The following LEPR variants were observed in gnomAD, a reference collection of about 807,000 sequenced individuals.
The protein encoded by LEPR is leptin receptor, also known as OB receptor.
In LEPR, 56 loss-of-function variants were observed where a neutral mutation model predicts 114.7. That is an observed-to-expected ratio of 0.49 (90% confidence interval 0.39 to 0.61). The LOEUF is 0.61. Ranked by LOEUF, LEPR falls within the 20% of genes least tolerant of loss-of-function variation. The pLI, the probability that LEPR is intolerant of heterozygous loss-of-function variation, is 0.00. For synonymous variants in LEPR, 443 were observed against 461.4 expected (o/e 0.96, Z 0.51); for missense variants, 1,202 against 1,352.9 (o/e 0.89, Z 1.75).
At chr1:65,604,300 A>T (rs1219244045) in intron 10 of LEPR, among the ~76,000 whole-genome samples, 1 of 152,076 alleles carries the variant, frequency 6.6e-6, no homozygotes, top group Non-Finnish European at 1.5e-5. Flanking sequence ...CTTTTTTTAG[A>T]TGGAGTGAAA....
chr1:65,542,475 A>T (rs12091826), intron 2 of LEPR, among the ~76,000 whole-genome samples: 58,302 of 148,998 alleles, frequency 0.39, 11,868 homozygotes, highest in Non-Finnish European at 0.46. Flanking sequence ...TTTTTTTTTT[A>T]AATTGTACTT....
chr1:65,420,673 G>GCC lies in LEPR; in HGVS notation c.-162_-161dup. Reference sequence around the variant, plus strand: ...ACTCCCGGTCTGGCTTGGGCAGGCTGCCCGGGCCGTGGCAGGAAGCCGGAA... The same window carrying GCC: ...ACTCCCGGTCTGGCTTGGGCAGGCTGCCCCCGGGCCGTGGCAGGAAGCCGGAA... On this transcript the variant is annotated 5_prime_UTR_variant, in exon 1 of 20. Transcript: ENST00000349533. 1.3e-6 allele frequency: 2 copies of GCC among 1,560,168 alleles called. No individual in the cohort carries two copies. Among genetic ancestry groups the GCC allele is most frequent in the Non-Finnish European group, 1.7e-6 (2 of 1,153,526 alleles).
intron 2 of LEPR, among the ~76,000 whole-genome samples, chr1:65,550,595 T>G (rs192623421): frequency 6.6e-5 from 10 of 152,288 alleles, no homozygotes; most frequent in African/African-American, 2.4e-4. Context: ...TCAGCGAGAC[T>G]CCGTGGGCGT....
chr1:65,467,568 A>G (rs1239533850), intron 2 of LEPR, among the ~76,000 whole-genome samples: 1 of 152,136 alleles, frequency 6.6e-6, no homozygotes, highest in Non-Finnish European at 1.5e-5. Context: ...CTCGCTTCAG[A>G]GCTGTCAGAT....
intron 6 of LEPR, among the ~76,000 whole-genome samples, chr1:65,593,762 T>C (rs10889568): frequency 0.27 from 40,677 of 152,040 alleles, 6,603 homozygotes; most frequent in East Asian, 0.82. Context: ...CCTGTAGGGA[T>C]ATAGTTGTGA....
intron 2 of LEPR, among the ~76,000 whole-genome samples, chr1:65,475,006 C>CAAAAAAAAAAA (rs1325552861): frequency 4.2e-5 from 1 of 23,938 alleles, no homozygotes. Context: ...GACTCCATCT[C>CAAAAAAAAAAA]AAAAAAAAAA....
intron 2 of LEPR, chr1:65,432,919 CAAT>C: frequency 2.1e-6 from 2 of 947,184 alleles, no homozygotes; most frequent in Non-Finnish European, 2.5e-6. Flanking sequence ...TAAAAATATA[CAAT>C]AATTTGTCAA....
intron 5 of LEPR, among the ~76,000 whole-genome samples, chr1:65,579,610 C>T (rs1654841693): frequency 1.3e-5 from 2 of 152,208 alleles, no homozygotes; most frequent in South Asian, 4.1e-4. Flanking sequence ...GTAGTACCTT[C>T]TTGCAATGAC....
chr1:65,591,392 A>G (rs543120024), intron 5 of LEPR, among the ~76,000 whole-genome samples: 6 of 152,236 alleles, frequency 3.9e-5, no homozygotes, highest in Admixed American at 3.3e-4. Flanking sequence ...TGTTATATCA[A>G]TGGAGAAGAA....
chr1:65,449,124 C>A (rs747661894), intron 2 of LEPR, among the ~76,000 whole-genome samples: 1 of 152,236 alleles, frequency 6.6e-6, no homozygotes, highest in Non-Finnish European at 1.5e-5. Context: ...GAACTCCTAA[C>A]CTCTAGCGAT....
chr1:65,584,598 T>C (rs1245555075), intron 5 of LEPR, among the ~76,000 whole-genome samples: 2 of 152,088 alleles, frequency 1.3e-5, no homozygotes, highest in Non-Finnish European at 2.9e-5. Flanking sequence ...AGTGCTAGAA[T>C]ACACACAAAG....
At chr1:65,587,302 CTTTTA>C (rs1017591915) in intron 5 of LEPR, among the ~76,000 whole-genome samples, 6 of 152,032 alleles carry the variant, frequency 3.9e-5, no homozygotes, top group Middle Eastern at 3.4e-3. Context: ...TTTGTAAAAG[CTTTTA>C]TTTTAATATT....
At chr1:65,603,934 ATTATATTAAC>A (rs1013191986) in intron 10 of LEPR, among the ~76,000 whole-genome samples, 3 of 152,114 alleles carry the variant, frequency 2.0e-5, no homozygotes, top group African/African-American at 7.2e-5. Context: ...TGAAATTGGT[ATTATATTAAC>A]TTATATTAAT....
intron 2 of LEPR, among the ~76,000 whole-genome samples, chr1:65,442,252 A>G (rs927491918): frequency 1.3e-5 from 2 of 152,176 alleles, no homozygotes; most frequent in African/African-American, 2.4e-5. Flanking sequence ...CTGGTTTCAC[A>G]ACTCCTTATC....
intron 5 of LEPR, among the ~76,000 whole-genome samples, chr1:65,586,629 T>A (rs1385947444): frequency 6.6e-6 from 1 of 151,922 alleles, no homozygotes; most frequent in African/African-American, 2.4e-5. Flanking sequence ...TTTTTTTTTT[T>A]AATTGAAAAT....
At chr1:65,534,918 G>A (rs1180848110) in intron 2 of LEPR, among the ~76,000 whole-genome samples, 1 of 152,168 alleles carries the variant, frequency 6.6e-6, no homozygotes, top group Admixed American at 6.5e-5. Context: ...GGACAACTTA[G>A]TTTTTCTCAG....
At chr1:65,485,248 C>A (rs780639768) in intron 2 of LEPR, among the ~76,000 whole-genome samples, 10 of 152,128 alleles carry the variant, frequency 6.6e-5, no homozygotes, top group Non-Finnish European at 1.2e-4. Flanking sequence ...ATAAAGCAGT[C>A]AACACACGTT....
intron 2 of LEPR, among the ~76,000 whole-genome samples, chr1:65,549,612 T>C (rs1652112694): frequency 6.6e-6 from 1 of 152,230 alleles, no homozygotes; most frequent in Admixed American, 6.5e-5. Flanking sequence ...CATTGGCTCC[T>C]GAGGCTTCTG....
At chr1:65,572,239 C>T (rs972957544) in intron 4 of LEPR, 87 bp from the exon 5 acceptor site, 1 of 1,407,102 alleles carries the variant, frequency 7.1e-7, no homozygotes. Context: ...TTTGATTTAG[C>T]TCTTCTCTTT....
Sources: allele counts gnomAD v4.1 joint callset (sites outside exome capture counted in the v4.1 genomes callset), GRCh38; gene constraint gnomAD v4.1.1; transcripts MANE v1.5; gene names NCBI Gene and HGNC (gene_info 2026-07-23, HGNC 2026-07-21).